Variants in PHRF1 observed in about 807,000 individuals in gnomAD.
PHRF1 encodes the protein PHD and ring finger domains 1.
In PHRF1, 53 loss-of-function variants were observed where a neutral mutation model predicts 128.9. That is an observed-to-expected ratio of 0.41 (90% CI 0.33 to 0.52). The LOEUF (loss-of-function observed/expected upper bound fraction) is 0.52, where lower values mean the gene tolerates loss of function less well. Among genes scored for constraint, PHRF1 ranks in the 20% least tolerant of loss-of-function variants. The pLI is 0.21. For missense variants in PHRF1, 2,503 were observed against 2,284.5 expected (o/e 1.10, Z -1.95); for synonymous variants, 1,178 against 980.6 (o/e 1.20, Z -3.76).
Position 609,030 on chromosome 11 carries a change from C to G in PHRF1, c.3574C>G (p.Pro1192Ala), listed in dbSNP as rs1420567186. 2.5e-6 allele frequency: 4 copies of G among 1,595,490 alleles called. No homozygotes were observed. The highest frequency in any genetic ancestry group is 3.4e-6 in the Non-Finnish European group (4 of 1,171,938). ...GTGGCCGCAGACCCGGTCCCATTCC[C>G]CAGAGAGGAAGGGGGCTGTGAGGGA... ...EKWPQTRSHS[P>A]ERKGAVREAS... Residue 1192 changes from proline (P) to alanine (A), a missense_variant, in exon 14 of 18, where the codon CCA becomes GCA. Coordinates refer to ENST00000264555, the MANE Select transcript of PHRF1 (RefSeq NM_001286581.2).
intron 6 of PHRF1, among the ~76,000 whole-genome samples, chr11:593,852 C>A (rs760178830): frequency 1.3e-5 from 2 of 152,190 alleles, no homozygotes; most frequent in Non-Finnish European, 2.9e-5. Flanking sequence ...GCCGTCCCTC[C>A]TTTCTCACGA....
At chr11:581,651 G>A in intron 2 of PHRF1, 45 bp downstream of exon 2, 1 of 1,537,284 alleles carries the variant, frequency 6.5e-7, no homozygotes, top group East Asian at 2.3e-5. Flanking sequence ...GGAGGAGCAG[G>A]GTGCCTGGTG....
chr11:596,110 G>A (rs1589880715), intron 6 of PHRF1, among the ~76,000 whole-genome samples: 1 of 152,322 alleles, frequency 6.6e-6, no homozygotes, highest in Non-Finnish European at 1.5e-5. Flanking sequence ...TGGTAGTTAA[G>A]TTCAGTTGAA....
chr11:596,773 T>G (rs547897742), intron 6 of PHRF1, 150 bp from the exon 7 acceptor site: 2 of 631,204 alleles, frequency 3.2e-6, no homozygotes, highest in Non-Finnish European at 5.7e-6. Flanking sequence ...GGGCTTCTTA[T>G]GAATTTTGGA....
In PHRF1 at chr11:606,485, G is replaced by A; in HGVS notation, c.1498G>A (p.Glu500Lys). Residue 500 changes from glutamate (E) to lysine (K), a missense_variant, in exon 13 of 18, where the codon GAG becomes AAG. By Grantham distance (56) the Glu-to-Lys change is moderately conservative (BLOSUM62 1). Coordinates refer to ENST00000264555, the MANE Select transcript of PHRF1 (RefSeq NM_001286581.2). ...AAVPEPDLEEEPVPDLLGSIL... is the reference protein window; with the variant it reads ...AAVPEPDLEEKPVPDLLGSIL... ...GGTGCCAGAGCCAGACTTGGAGGAG[G>A]AGCCAGTGCCTGACCTGCTGGGCAG... 6.3e-7 allele frequency: 1 copy of A among 1,595,452 alleles called. No individual in the cohort carries two copies. The highest frequency in any genetic ancestry group is 8.5e-7 in the Non-Finnish European group (1 of 1,174,422).
intron 1 of PHRF1, among the ~76,000 whole-genome samples, chr11:577,334 G>A (rs1853930617): frequency 6.6e-6 from 1 of 152,246 alleles, no homozygotes; most frequent in Non-Finnish European, 1.5e-5. Flanking sequence ...CTTCTTCGGA[G>A]TTTATGTGCT....
chr11:606,392 C>T (rs200116286), intron 12 of PHRF1, 50 bp from the exon 13 acceptor site: 19 of 1,505,764 alleles, frequency 1.3e-5, no homozygotes, highest in Non-Finnish European at 1.6e-5. Context: ...GGTGCGGGCC[C>T]TCAGGCCGTG....
At chr11:580,823 G>T (rs1180475820) in intron 1 of PHRF1, among the ~76,000 whole-genome samples, 1 of 152,136 alleles carries the variant, frequency 6.6e-6, no homozygotes, top group South Asian at 2.1e-4. Context: ...CGAGTAGCTG[G>T]GATTACAGGC....
Position 610,193 on chromosome 11 carries a change from C to T in PHRF1, c.4265-3C>T, listed in dbSNP as rs376966999. On this transcript the variant is annotated splice_region_variant and splice_polypyrimidine_tract_variant and intron_variant, in intron 14 of 17. Coordinates refer to ENST00000264555, the MANE Select transcript of PHRF1 (RefSeq NM_001286581.2). ...CCCACCTCCCTGTCTGTCGGGCCCC[C>T]AGGGGCACCACTTCACAGGCCACAG... The T allele has an allele frequency of 3.1e-4, 461 of 1,508,834 alleles. No homozygotes were observed. Among genetic ancestry groups the T allele is most frequent in the Non-Finnish European group, 3.7e-4 (416 of 1,122,840 alleles). 93.5% of individuals were successfully genotyped at this position (1,508,834 alleles called of 1,614,324 possible).
intron 1 of PHRF1, among the ~76,000 whole-genome samples, chr11:580,709 A>T (rs933438276): frequency 1.3e-5 from 2 of 152,138 alleles, no homozygotes; most frequent in African/African-American, 4.8e-5. Flanking sequence ...GTTTTTTGAG[A>T]TGGAGTTTTG....
rs780922246 is a variant in PHRF1, at chr11:601,526, G to C, written c.1025-48G>C. On this transcript the variant is annotated intron_variant, in intron 9 of 17. Transcript: ENST00000264555. The stretch of plus-strand genomic sequence containing the variant: ...GGGCTGGACTCACAGGAATGGGGCA[G>C]GGAGGGCCCAGCACAGAGAAGCACA... 3 of 1,611,260 alleles carry C rather than the reference G, an allele frequency of 1.9e-6. No homozygotes were observed. The South Asian group carries it at 3.3e-5, about 18-fold the overall frequency.
At position 581,524 on chromosome 11, in the gene PHRF1, C is replaced by G; in HGVS notation, c.12C>G (p.Asp4Glu). Residue 4 changes from aspartate to glutamate, a missense_variant, in exon 2 of 18, where the codon GAC (aspartate) becomes GAG (glutamate). Asp to Glu is a conservative substitution (Grantham distance 45). Coordinates refer to ENST00000264555, the MANE Select transcript of PHRF1 (RefSeq NM_001286581.2). Reference protein sequence around the residue: MDDDSLDELVARSP... With the variant: MDDESLDELVARSP... ...CTCAATGTGCAGCAATGGATGACGA[C>G]AGCCTGGATGAGCTTGTGGCCCGGA... 1.2e-6 allele frequency: 2 copies of G among 1,613,658 alleles called. No individual in the cohort carries two copies. Among genetic ancestry groups the G allele is most frequent in the Non-Finnish European group, 1.7e-6 (2 of 1,179,872 alleles).
chr11:600,499 T>C (rs1241215626), intron 9 of PHRF1, among the ~76,000 whole-genome samples: 12 of 142,754 alleles, frequency 8.4e-5, no homozygotes, highest in Admixed American at 2.1e-4. Flanking sequence ...CAAAAATATA[T>C]ATATATATAT....
In PHRF1 at chr11:611,640, C is replaced by A. The variant is rs1485373436; in HGVS notation, c.4813C>A (p.His1605Asn). ...ATTGCACCTCTTTCTCCAGATCTGC[C>A]ACAGCAAGAGTGGAGAGATCAACCC... ...ILRKAVQKIC[H>N]SKSGEINPVK... The change falls in exon 18 of 18, where the codon CAC (histidine) becomes AAC (asparagine). Residue 1605 changes from histidine to asparagine, a missense_variant. His to Asn is a moderately conservative substitution (Grantham distance 68). Coordinates refer to ENST00000264555, the MANE Select transcript of PHRF1 (RefSeq NM_001286581.2). The A allele has an allele frequency of 6.2e-7, 1 of 1,613,018 alleles. No homozygotes were observed. Among genetic ancestry groups the A allele is most frequent in the East Asian group, 2.2e-5 (1 of 44,884 alleles).
Position 605,778 on chromosome 11 carries a change from TG to T in PHRF1, c.1454+57del, listed in dbSNP as rs888096156. 54 of 1,555,854 alleles carry T rather than the reference TG, an allele frequency of 3.5e-5. No homozygotes were observed. The African/African-American group carries it at 6.8e-4, about 20-fold the overall frequency. On this transcript the variant is annotated intron_variant, in intron 12 of 17. Coordinates refer to ENST00000264555, the MANE Select transcript of PHRF1 (RefSeq NM_001286581.2). The stretch of plus-strand genomic sequence containing the variant: ...GTGGGGGCAGCAGTTGGGCATCGGA[TG>T]GGAGTTCTAGGGTGGGGCCGTGATA...
chr11:606,583 C>G lies in PHRF1; in HGVS notation c.1596C>G (p.Ser532Arg). 6.2e-7 allele frequency: 1 copy of G among 1,605,252 alleles called. No individual in the cohort carries two copies. Among genetic ancestry groups the G allele is most frequent in the South Asian group, 1.1e-5 (1 of 90,870 alleles). The part of the protein sequence containing the change: ...DVIIHRDGSL[S>R]AKRAAPVSFQ... Reference sequence around the variant, plus strand: ...TCATCCACCGCGACGGCTCCCTCAGCGCCAAGAGGGCGGGTGAGTGCCTTC... The same window carrying G: ...TCATCCACCGCGACGGCTCCCTCAGGGCCAAGAGGGCGGGTGAGTGCCTTC... Residue 532 changes from serine (S) to arginine (R), a missense_variant, in exon 13 of 18, where the codon AGC becomes AGG. By Grantham distance (110) the Ser-to-Arg change is moderately radical. Transcript: ENST00000264555.
Position 591,424 on chromosome 11 carries a change from G to A in PHRF1, c.461G>A (p.Cys154Tyr), listed in dbSNP as rs749980701. 62 of 1,609,436 alleles carry A rather than the reference G, an allele frequency of 3.9e-5. No individual in the cohort carries two copies. The highest frequency in any genetic ancestry group is 5.1e-5 in the Non-Finnish European group (60 of 1,178,210). The change falls in exon 5 of 18, where the codon TGC becomes TAC. Residue 154 changes from cysteine to tyrosine, a missense_variant. By Grantham distance (194) the Cys-to-Tyr change is radical. Coordinates refer to ENST00000264555, the MANE Select transcript of PHRF1 (RefSeq NM_001286581.2). ...CCAGTTGATCGAACTCTATTTAAGT[G>A]CATTTGTATTCGAGCTCAATTTGGT... ...SCPVDRTLFK[C>Y]ICIRAQFGGK...
Position 577,160 on chromosome 11 carries a change from C to T in PHRF1, c.-22+568C>T, listed in dbSNP as rs558075431. On this transcript the variant is annotated intron_variant, in intron 1 of 17. Coordinates refer to ENST00000264555, the MANE Select transcript of PHRF1 (RefSeq NM_001286581.2). ...CTGGCGGTTTTCCTATTCCTTAACT[C>T]TTGCAGTCCTCACAAGAGCCTCTCA... Among the ~76,000 whole-genome samples the T allele has an allele frequency of 1.7e-3, 264 of 152,312 alleles. 1 individual carries two copies. Among genetic ancestry groups the T allele is most frequent in the Non-Finnish European group, 2.9e-3 (200 of 68,022 alleles).
In PHRF1 at chr11:592,978, G is replaced by A. The variant is rs142110692; in HGVS notation, c.620+304G>A. 5.9e-5 allele frequency among the ~76,000 whole-genome samples: 9 copies of A among 152,358 alleles called. No homozygotes were observed. The East Asian group carries it at 1.5e-3, about 26-fold the overall frequency. ...TCAGCCAGAGGGTGGGACGTGTCCT[G>A]GTCCCGGCCTTTGTGGGGGAGGGGT... On this transcript the variant is annotated intron_variant, in intron 6 of 17. Transcript: ENST00000264555.
Sources: allele counts gnomAD v4.1 joint callset (sites outside exome capture counted in the v4.1 genomes callset), GRCh38; gene constraint gnomAD v4.1.1; transcripts MANE v1.5; gene names NCBI Gene and HGNC (gene_info 2026-07-23, HGNC 2026-07-21).